The following POU2AF1 variants were observed in gnomAD, a reference collection of about 807,000 sequenced individuals.
POU2AF1 encodes POU class 2 homeobox associating factor 1, also known as POU domain class 2-associating factor 1.
Under a neutral mutation model 26.3 loss-of-function variants are expected in POU2AF1, and 12 were observed. That is an observed-to-expected ratio of 0.46 (90% CI 0.29 to 0.74). The LOEUF is 0.74. Among genes scored for constraint, POU2AF1 ranks in the 30% least tolerant of loss-of-function variants. The pLI is 0.09. For synonymous variants in POU2AF1, 175 were observed against 148.0 expected, an observed-to-expected ratio of 1.18 and a Z score of -1.32; for missense variants, 297 against 334.5, an observed-to-expected ratio of 0.89 and a Z score of 0.87.
Position 111,354,147 on chromosome 11 carries a change from G to A in POU2AF1, c.*114C>T, listed in dbSNP as rs539159649. 374 of 1,152,762 alleles carry A rather than the reference G, an allele frequency of 3.2e-4. No homozygotes were observed. Among genetic ancestry groups the A allele is most frequent in the Non-Finnish European group, 4.0e-4 (326 of 809,852 alleles). The allele number at this position is 1,152,762 out of a possible 1,614,324, so 71.4% of individuals were successfully genotyped here. Reference sequence around the variant, plus strand: ...TACAGGTCTACAATTCTAGCTGTGCGTAGAAAGTGTAGTCATGAAATGACT... The same window carrying A: ...TACAGGTCTACAATTCTAGCTGTGCATAGAAAGTGTAGTCATGAAATGACT... On this transcript the variant is annotated 3_prime_UTR_variant, in exon 5 of 5. Transcript: ENST00000393067.
At chr11:111,356,246 C>G (rs546789372) in intron 4 of POU2AF1, among the ~76,000 whole-genome samples, 1 of 152,332 alleles carries the variant, frequency 6.6e-6, no homozygotes, top group East Asian at 1.9e-4. Flanking sequence ...ACCCTCACCC[C>G]AGGCCTCTGA....
rs768764083 is a variant in POU2AF1, at chr11:111,357,841, G to A, written c.148-4C>T. 202 of 1,605,658 alleles carry A rather than the reference G, an allele frequency of 1.3e-4. No homozygotes were observed. The highest frequency in any genetic ancestry group is 1.7e-4 in the Middle Eastern group (1 of 5,972). On this transcript the variant is annotated splice_polypyrimidine_tract_variant and splice_region_variant and intron_variant, in intron 2 of 4. Coordinates refer to ENST00000393067, the MANE Select transcript of POU2AF1 (RefSeq NM_006235.3). Reference sequence around the variant, plus strand: ...GGGGCTGATGGGGCAGCACCACCTAGAGGGGAGAGGAGAAGACCAGGGTCA... The same window carrying A: ...GGGGCTGATGGGGCAGCACCACCTAAAGGGGAGAGGAGAAGACCAGGGTCA...
intron 1 of POU2AF1, among the ~76,000 whole-genome samples, chr11:111,377,571 A>G (rs1411436626): frequency 6.6e-6 from 1 of 152,164 alleles, no homozygotes; most frequent in African/African-American, 2.4e-5. Flanking sequence ...CTAAGGATAG[A>G]TCCTCAGTGT....
chr11:111,355,785 T>G lies in POU2AF1; in HGVS notation c.457-1210A>C, dbSNP rs11213851. ...TGGTCTCAGAGGCCTTCCAGCCTCCTGAAATCCGGGCTGAGGTGTACACCC... is the reference window on the plus strand; with the variant it reads ...TGGTCTCAGAGGCCTTCCAGCCTCCGGAAATCCGGGCTGAGGTGTACACCC... On this transcript the variant is annotated intron_variant, in intron 4 of 4. Transcript: ENST00000393067. 3.4e-3 allele frequency among the ~76,000 whole-genome samples: 517 copies of G among 152,234 alleles called. 4 individuals are homozygous for G. Among genetic ancestry groups the G allele is most frequent in the African/African-American group, 0.012 (497 of 41,486 alleles).
At chr11:111,363,502 T>C in intron 1 of POU2AF1, 2 of 1,002,810 alleles carry the variant, frequency 2.0e-6, no homozygotes, top group Non-Finnish European at 2.4e-6. Flanking sequence ...GCCACCAGCA[T>C]GAGAACTGAG....
chr11:111,369,590 T>G (rs1180659635), intron 1 of POU2AF1, among the ~76,000 whole-genome samples: 1 of 152,110 alleles, frequency 6.6e-6, no homozygotes, highest in Non-Finnish European at 1.5e-5. Context: ...AGATGGGAGT[T>G]TTATCACCTT....
chr11:111,373,025 C>G lies in POU2AF1; in HGVS notation c.16+6137G>C, dbSNP rs1371435223. Among the ~76,000 whole-genome samples the G allele has an allele frequency of 2.6e-5, 4 of 152,216 alleles. 1 individual carries two copies. In the South Asian group the frequency reaches 6.2e-4, roughly 24 times the overall value. ...TGGCAGATTAGAAAGGAAAAAGGAG[C>G]CTGGGATGATGTTGGCACTGTGAGA... On this transcript the variant is annotated intron_variant, in intron 1 of 4. Coordinates refer to ENST00000393067, the MANE Select transcript of POU2AF1 (RefSeq NM_006235.3).
At chr11:111,366,424 GC>G (rs1861106277) in intron 1 of POU2AF1, among the ~76,000 whole-genome samples, 1 of 152,212 alleles carries the variant, frequency 6.6e-6, no homozygotes, top group African/African-American at 2.4e-5. Context: ...ATTTGATGTT[GC>G]CTGCAAGGCT....
rs1054217943 is a variant in POU2AF1 at position 111,363,900 on chromosome 11, A to G, written c.17-4982T>C. The G allele has an allele frequency of 4.1e-6, 4 of 985,246 alleles. No homozygotes were observed. In the African/African-American group the frequency reaches 7.0e-5, roughly 17 times the overall value. The allele number at this position is 985,246 out of a possible 1,614,324, so 61.0% of individuals were successfully genotyped here. ...TATCCAAGAGTCCATCACGGAGGAAAATCTTTCCACCTTAGCATGAGCCTC... is the reference window on the plus strand; with the variant it reads ...TATCCAAGAGTCCATCACGGAGGAAGATCTTTCCACCTTAGCATGAGCCTC... On this transcript the variant is annotated intron_variant, in intron 1 of 4. Transcript: ENST00000393067.
chr11:111,372,773 C>T (rs1201693681), intron 1 of POU2AF1, among the ~76,000 whole-genome samples: 1 of 152,170 alleles, frequency 6.6e-6, no homozygotes, highest in Non-Finnish European at 1.5e-5. Context: ...GCAATGTGCC[C>T]AGCTAAACAA....
chr11:111,357,006 C>A (rs1453740506), intron 4 of POU2AF1, among the ~76,000 whole-genome samples: 1 of 152,244 alleles, frequency 6.6e-6, no homozygotes, highest in East Asian at 1.9e-4. Flanking sequence ...ACCTGTTGTT[C>A]AGCCTAGAAA....
intron 1 of POU2AF1, chr11:111,359,881 T>C (rs1349147435): frequency 1.2e-5 from 6 of 501,118 alleles, no homozygotes; most frequent in East Asian, 5.6e-5. Flanking sequence ...CTGCCATTTG[T>C]CTTCCCTTCA....
intron 1 of POU2AF1, among the ~76,000 whole-genome samples, chr11:111,361,771 T>C (rs1861014000): frequency 1.3e-5 from 2 of 152,212 alleles, no homozygotes; most frequent in African/African-American, 4.8e-5. Flanking sequence ...CATAATGGTA[T>C]GTATGTTGTA....
chr11:111,376,103 C>T (rs1861305915), intron 1 of POU2AF1, among the ~76,000 whole-genome samples: 1 of 152,172 alleles, frequency 6.6e-6, no homozygotes, highest in African/African-American at 2.4e-5. Flanking sequence ...GATGGGCCCA[C>T]AGGTGGTTTC....
intron 1 of POU2AF1, among the ~76,000 whole-genome samples, chr11:111,369,559 G>A (rs555310679): frequency 3.9e-5 from 6 of 152,318 alleles, no homozygotes; most frequent in African/African-American, 1.2e-4. Flanking sequence ...AATGGGCAAG[G>A]GAGGGCTCTT....
intron 1 of POU2AF1, among the ~76,000 whole-genome samples, chr11:111,378,923 G>A (rs565457509): frequency 1.5e-3 from 230 of 152,274 alleles, no homozygotes; most frequent in Admixed American, 1.9e-3. Context: ...TCCCACCTTG[G>A]AACACTAGTT....
chr11:111,363,539 A>G (rs904437965), intron 1 of POU2AF1: 1 of 954,870 alleles, frequency 1.0e-6, no homozygotes, highest in African/African-American at 1.8e-5. Context: ...TGGGAGAGGA[A>G]AAAAGTTTGT....
At chr11:111,358,354 A>ACT (rs1860901861) in intron 2 of POU2AF1, among the ~76,000 whole-genome samples, 1 of 25,498 alleles carries the variant, frequency 3.9e-5, no homozygotes, top group African/African-American at 7.7e-5. Context: ...TCTCACACTC[A>ACT]CACTCTCACA....
intron 1 of POU2AF1, among the ~76,000 whole-genome samples, chr11:111,364,706 G>A (rs1489041099): frequency 1.3e-5 from 2 of 152,240 alleles, no homozygotes; most frequent in Non-Finnish European, 2.9e-5. Context: ...CTCTAATGGC[G>A]AGGTGGGCTG....
Sources: gnomAD v4.1 joint callset for allele counts (sites outside exome capture counted in the v4.1 genomes callset) on GRCh38, gnomAD v4.1.1 for gene constraint, MANE v1.5 for transcripts, NCBI Gene and HGNC (gene_info 2026-07-23, HGNC 2026-07-21) for gene names.